The following UBASH3B variants were observed in gnomAD, a reference collection of about 807,000 sequenced individuals.
The protein encoded by UBASH3B is ubiquitin-associated and SH3 domain-containing protein B.
In UBASH3B, 37 loss-of-function variants were observed where a neutral mutation model predicts 83.4. The observed-to-expected ratio is 0.44, with a 90% CI of 0.34 to 0.58. The LOEUF is 0.58. Ranked by LOEUF, UBASH3B falls within the 20% of genes least tolerant of loss-of-function variation. The pLI is 0.01. For missense variants in UBASH3B, 657 were observed against 827.2 expected (o/e 0.79, Z 2.52); for synonymous variants, 304 against 318.3 (o/e 0.96, Z 0.48).
Position 122,737,141 on chromosome 11 carries a change from G to A in UBASH3B, c.162-39078G>A, listed in dbSNP as rs142339780. ...AACCAGGGAAGGGCCAGAAAATAGAGCATACAGGCAAATTAGCCATGTTAA... is the reference window on the plus strand; with the variant it reads ...AACCAGGGAAGGGCCAGAAAATAGAACATACAGGCAAATTAGCCATGTTAA... On this transcript the variant is annotated intron_variant, in intron 1 of 13. Transcript: ENST00000284273. 4.1e-3 allele frequency among the ~76,000 whole-genome samples: 621 copies of A among 152,274 alleles called. 3 individuals carry two copies. Among genetic ancestry groups the A allele is most frequent in the African/African-American group, 0.014 (595 of 41,544 alleles).
At chr11:122,792,151 A>G (rs1861066059) in intron 6 of UBASH3B, among the ~76,000 whole-genome samples, 1 of 151,812 alleles carries the variant, frequency 6.6e-6, no homozygotes. Flanking sequence ...TCGTCTTGCC[A>G]TGGGAGACGA....
intron 1 of UBASH3B, among the ~76,000 whole-genome samples, chr11:122,694,084 G>A (rs141153360): frequency 2.6e-5 from 4 of 152,246 alleles, no homozygotes; most frequent in African/African-American, 9.6e-5. Flanking sequence ...ATATGTAGAC[G>A]TGACATTAAG....
chr11:122,746,098 G>A (rs556409744), intron 1 of UBASH3B, among the ~76,000 whole-genome samples: 2 of 152,278 alleles, frequency 1.3e-5, no homozygotes, highest in African/African-American at 2.4e-5. Context: ...TGAAGGCTCC[G>A]TGCCCGCCCT....
At chr11:122,706,106 CTTTTTTTTTTTTTCT>C (rs1480921904) in intron 1 of UBASH3B, among the ~76,000 whole-genome samples, 12 of 127,036 alleles carry the variant, frequency 9.4e-5, no homozygotes, top group East Asian at 7.7e-4. Context: ...TCTTTTCTTT[CTTTTTTTTTTTTTCT>C]TTTTTTTTTT....
intron 1 of UBASH3B, among the ~76,000 whole-genome samples, chr11:122,720,341 C>T (rs1292018042): frequency 1.3e-5 from 2 of 152,214 alleles, no homozygotes; most frequent in South Asian, 2.1e-4. Flanking sequence ...AGCTTCGCCG[C>T]TTCCACAGAT....
At chr11:122,720,547 C>A (rs973286937) in intron 1 of UBASH3B, among the ~76,000 whole-genome samples, 9 of 152,230 alleles carry the variant, frequency 5.9e-5, no homozygotes, top group East Asian at 3.9e-4. Flanking sequence ...AAATCTAAAG[C>A]CTTCCTGTCT....
At chr11:122,734,632 TGAA>T (rs938692141) in intron 1 of UBASH3B, among the ~76,000 whole-genome samples, 29 of 152,230 alleles carry the variant, frequency 1.9e-4, no homozygotes, top group Admixed American at 5.9e-4. Context: ...GTTTACATCT[TGAA>T]ATAAGTCCTC....
chr11:122,770,277 T>G (rs989761221), intron 1 of UBASH3B, among the ~76,000 whole-genome samples: 4 of 152,242 alleles, frequency 2.6e-5, no homozygotes, highest in African/African-American at 9.6e-5. Flanking sequence ...TTTGAGGGAA[T>G]ATGTTTTTCA....
In UBASH3B at chr11:122,734,368, C is replaced by T. The variant is rs541970151; in HGVS notation, c.162-41851C>T. On this transcript the variant is annotated intron_variant, in intron 1 of 13. Coordinates refer to ENST00000284273, the MANE Select transcript of UBASH3B (RefSeq NM_032873.5). ...GAGGAAAGGACTTGGCCTGAGCAGA[C>T]GGGGATTCCCAAGGAGAAAGGAAGA... Among the ~76,000 whole-genome samples, 7 of 152,262 alleles carry T rather than the reference C, an allele frequency of 4.6e-5. No homozygotes were observed. The South Asian group carries it at 8.3e-4, about 18-fold the overall frequency.
chr11:122,808,028 A>G lies in UBASH3B; in HGVS notation c.1703-39A>G, dbSNP rs960362973. The G allele has an allele frequency of 5.3e-6, 8 of 1,519,050 alleles. No individual in the cohort carries two copies. In the African/African-American group the frequency reaches 9.6e-5, roughly 18 times the overall value. 94.1% of individuals were successfully genotyped at this position (1,519,050 alleles called of 1,614,324 possible). A position where few individuals can be genotyped will look rare whatever the true frequency, so the allele number is the denominator to read the frequency against. ...GTATTTGCAAAGTTTCCATGTCTTT[A>G]TAGAAACAGTCTTCCCATACCTTGC... On this transcript the variant is annotated intron_variant, in intron 12 of 13. Coordinates refer to ENST00000284273, the MANE Select transcript of UBASH3B (RefSeq NM_032873.5).
chr11:122,787,148 T>A (rs1188997591), intron 5 of UBASH3B, among the ~76,000 whole-genome samples: 1 of 152,244 alleles, frequency 6.6e-6, no homozygotes, highest in East Asian at 1.9e-4. Flanking sequence ...TGTTTCCCTG[T>A]GACTCGGTGA....
rs1256214124 is a variant in UBASH3B, at chr11:122,776,980, A to G, written c.216-44A>G. On this transcript the variant is annotated intron_variant, in intron 2 of 13. Coordinates refer to ENST00000284273, the MANE Select transcript of UBASH3B (RefSeq NM_032873.5). ...TCTCTCAGTTCTTTTTTCCCCTCCC[A>G]TTATTCTCAAGCGACACCTTGTTGG... 2.6e-6 allele frequency: 4 copies of G among 1,519,434 alleles called. No individual in the cohort carries two copies. The African/African-American group carries it at 4.2e-5, about 16-fold the overall frequency. The allele number at this position is 1,519,434 out of a possible 1,614,324, so 94.1% of individuals were successfully genotyped here.
chr11:122,730,462 A>G (rs1385800920), intron 1 of UBASH3B, among the ~76,000 whole-genome samples: 1 of 152,190 alleles, frequency 6.6e-6, no homozygotes, highest in Non-Finnish European at 1.5e-5. Context: ...GTTTCAGGTC[A>G]GCCTCCTCAG....
chr11:122,763,179 T>G (rs1860474384), intron 1 of UBASH3B, among the ~76,000 whole-genome samples: 1 of 152,146 alleles, frequency 6.6e-6, no homozygotes, highest in African/African-American at 2.4e-5. Context: ...ATTGTCTAGA[T>G]GCTAGAGGGA....
chr11:122,669,345 C>T (rs1371028985), intron 1 of UBASH3B, among the ~76,000 whole-genome samples: 1 of 152,178 alleles, frequency 6.6e-6, no homozygotes, highest in African/African-American at 2.4e-5. Context: ...TACGTCACTC[C>T]AAGCCCTCCT....
intron 1 of UBASH3B, among the ~76,000 whole-genome samples, chr11:122,690,547 G>A (rs183993125): frequency 3.1e-3 from 470 of 151,944 alleles, no homozygotes; most frequent in Non-Finnish European, 3.8e-3. Context: ...ACATCTCAGC[G>A]GCCTCAAAGA....
Position 122,808,059 on chromosome 11 carries a change from TC to T in UBASH3B, c.1703-3del, listed in dbSNP as rs770170900. On this transcript the variant is annotated splice_polypyrimidine_tract_variant and splice_region_variant and intron_variant, in intron 12 of 13. Transcript: ENST00000284273. ...ACAGTCTTCCCATACCTTGCCATTT[TC>T]CCCCAGGAAATAACATCCTGATTGT... 12 of 1,611,208 alleles carry T rather than the reference TC, an allele frequency of 7.4e-6. No individual in the cohort carries two copies. The Middle Eastern group carries it at 8.2e-4, about 110-fold the overall frequency.
At chr11:122,809,201 C>T (rs966183741) in intron 13 of UBASH3B, among the ~76,000 whole-genome samples, 2 of 151,990 alleles carry the variant, frequency 1.3e-5, no homozygotes, top group Admixed American at 6.6e-5. Context: ...CAGCCTCCCA[C>T]GTAGCTGGGA....
In UBASH3B at chr11:122,789,104, T is replaced by C. The variant is rs764034221; in HGVS notation, c.776T>C (p.Leu259Ser). The C allele has an allele frequency of 6.2e-7, 1 of 1,612,218 alleles. No individual in the cohort carries two copies. The highest frequency in any genetic ancestry group is 2.2e-5 in the East Asian group (1 of 44,842). ...RDIRFANHETLQVIYPYTPQN... is the reference protein window; with the variant it reads ...RDIRFANHETSQVIYPYTPQN... ...CACCCTCTCTTCCTTTTCCAGACAT[T>C]ACAGGTCATCTACCCCTATACCCCA... The change falls in exon 6 of 14, where the codon TTA becomes TCA. Residue 259 changes from leucine to serine, a missense_variant. Physicochemically the swap from Leu to Ser is moderately radical, Grantham distance 145. Transcript: ENST00000284273.
Sources: gnomAD v4.1 joint callset for allele counts (sites outside exome capture counted in the v4.1 genomes callset) on GRCh38, gnomAD v4.1.1 for gene constraint, MANE v1.5 for transcripts, NCBI Gene and HGNC (gene_info 2026-07-23, HGNC 2026-07-21) for gene names.